Variants in SKI observed in about 807,000 individuals in gnomAD.
The protein encoded by SKI is SKI proto-oncogene, also known as ski oncogene.
SKI carries 23 observed loss-of-function variants against 59.3 expected under a neutral mutation model. The ratio of observed to expected loss-of-function variants is 0.39; its 90% CI spans 0.28 to 0.55. The LOEUF is 0.55. Ranked by LOEUF, SKI falls within the 20% of genes least tolerant of loss-of-function variation. The probability of loss-of-function intolerance (pLI) is 0.67; values close to 1 mark genes in which losing one functional copy is unlikely to be tolerated. For synonymous variants in SKI, 673 were observed against 488.6 expected, an observed-to-expected ratio of 1.38 and a Z score of -4.98; for missense variants, 1,017 against 1,038.9, an observed-to-expected ratio of 0.98 and a Z score of 0.29.
At chr1:2,301,927 T>C (rs1363872219) in intron 1 of SKI, among the ~76,000 whole-genome samples, 2 of 152,228 alleles carry the variant, frequency 1.3e-5, no homozygotes, top group Non-Finnish European at 2.9e-5. Flanking sequence ...TGTGCTGTCC[T>C]GTGGGGTCTT....
At chr1:2,247,773 T>C (rs189110717) in intron 1 of SKI, among the ~76,000 whole-genome samples, 1 of 152,310 alleles carries the variant, frequency 6.6e-6, no homozygotes, top group Non-Finnish European at 1.5e-5. Flanking sequence ...GCCCCACAGG[T>C]GCCCTTGGGG....
intron 1 of SKI, among the ~76,000 whole-genome samples, chr1:2,255,898 T>C (rs1241430216): frequency 3.3e-5 from 5 of 151,908 alleles, no homozygotes; most frequent in African/African-American, 9.7e-5. Flanking sequence ...TGTCCTGACC[T>C]CATTTCCTGT....
chr1:2,256,465 T>C (rs1639277229), intron 1 of SKI, among the ~76,000 whole-genome samples: 1 of 152,236 alleles, frequency 6.6e-6, no homozygotes, highest in Non-Finnish European at 1.5e-5. Flanking sequence ...CCCTCTGTGG[T>C]CCAGAGGCCG....
At chr1:2,245,117 C>T (rs1171582118) in intron 1 of SKI, among the ~76,000 whole-genome samples, 1 of 152,150 alleles carries the variant, frequency 6.6e-6, no homozygotes, top group Non-Finnish European at 1.5e-5. Flanking sequence ...CCCCCAACAC[C>T]CACCCGCCGC....
Position 2,303,586 on chromosome 1 carries a change from C to T in SKI, c.1211+186C>T, listed in dbSNP as rs1640482014. 3 of 685,484 alleles carry T rather than the reference C, an allele frequency of 4.4e-6. No individual in the cohort carries two copies. The highest frequency in any genetic ancestry group is 4.1e-4 in the Middle Eastern group (1 of 2,444). The allele number at this position is 685,484 out of a possible 1,614,324, so 42.5% of individuals were successfully genotyped here. ...GCACACCTAGAGCGTTCCCTGTGTT[C>T]TGGGTGGAGTCGTGGGTGGAGCCCT... On this transcript the variant is annotated intron_variant, in intron 3 of 6. Transcript: ENST00000378536. The surrounding 1 kb of genome is among the most constrained non-coding windows in gnomAD (Gnocchi z 5.6).
chr1:2,237,413 G>C (rs1638773943), intron 1 of SKI, among the ~76,000 whole-genome samples: 1 of 152,180 alleles, frequency 6.6e-6, no homozygotes, highest in African/African-American at 2.4e-5. Context: ...TCTTCTACAG[G>C]GGAAACCATG....
intron 1 of SKI, among the ~76,000 whole-genome samples, chr1:2,265,087 C>T (rs1219631103): frequency 4.6e-5 from 7 of 152,228 alleles, no homozygotes; most frequent in Non-Finnish European, 8.8e-5. Flanking sequence ...GCTGGGATTA[C>T]AGGAGTGAGC....
intron 1 of SKI, among the ~76,000 whole-genome samples, chr1:2,301,155 C>T (rs1309778340): frequency 2.6e-5 from 4 of 152,206 alleles, no homozygotes; most frequent in Non-Finnish European, 4.4e-5. Context: ...TTCTGTGCCT[C>T]TCGGGAGGGT....
intron 1 of SKI, chr1:2,240,913 T>C (rs1034214183): frequency 8.8e-6 from 5 of 570,290 alleles, no homozygotes; most frequent in Non-Finnish European, 1.1e-5. Flanking sequence ...CCTCCTCAGC[T>C]GTGTTCAGCC....
At position 2,307,764 on chromosome 1, in the gene SKI, TTC is replaced by T. The variant is rs1334651445; in HGVS notation, c.*1001_*1002del. 6.6e-6 allele frequency: 1 copy of T among 152,626 alleles called. No homozygotes were observed. The highest frequency in any genetic ancestry group is 1.9e-4 in the East Asian group (1 of 5,202). 9.5% of individuals were successfully genotyped at this position (152,626 alleles called of 1,614,324 possible). A position where few individuals can be genotyped will look rare whatever the true frequency, so the allele number is the denominator to read the frequency against. ...CTTTGTCCACAACCTTCCCTTCTCTTTCTATTCCCCAGTGAACTGAGGTTTTT... is the reference window on the plus strand; with the variant it reads ...CTTTGTCCACAACCTTCCCTTCTCTTTATTCCCCAGTGAACTGAGGTTTTT... On this transcript the variant is annotated 3_prime_UTR_variant, in exon 7 of 7. Coordinates refer to ENST00000378536, the MANE Select transcript of SKI (RefSeq NM_003036.4).
intron 1 of SKI, among the ~76,000 whole-genome samples, chr1:2,276,392 C>T (rs1569789710): frequency 6.6e-6 from 1 of 152,190 alleles, no homozygotes; most frequent in Non-Finnish European, 1.5e-5. Context: ...GGCCTGGACC[C>T]TCCAGGGAGT....
intron 5 of SKI, 56 bp from the exon 6 acceptor site, chr1:2,305,964 T>G (rs942015178): frequency 1.7e-5 from 23 of 1,316,586 alleles, no homozygotes; most frequent in Non-Finnish European, 2.4e-5. Context: ...CTGGTCATGG[T>G]GAGGGGTGTG....
chr1:2,231,037 C>T (rs934111300), intron 1 of SKI, among the ~76,000 whole-genome samples: 1 of 152,166 alleles, frequency 6.6e-6, no homozygotes, highest in Non-Finnish European at 1.5e-5. Context: ...TGGCAGCCGC[C>T]TGCAGACCTG....
chr1:2,250,321 G>A (rs1364235312), intron 1 of SKI, among the ~76,000 whole-genome samples: 3 of 152,216 alleles, frequency 2.0e-5, no homozygotes, highest in Non-Finnish European at 4.4e-5. Flanking sequence ...CTCTCTGGCC[G>A]TCCCAGAACC....
rs973734662 is a variant in SKI, at chr1:2,306,235, C to G, written c.1983C>G (p.Ala661=). The G allele has an allele frequency of 6.4e-7, 1 of 1,556,408 alleles. No individual in the cohort carries two copies. The highest frequency in any genetic ancestry group is 1.2e-5 in the South Asian group (1 of 84,672). Residue 661 remains alanine (A), a synonymous_variant, in exon 6 of 7, where the codon GCC becomes GCG. Coordinates refer to ENST00000378536, the MANE Select transcript of SKI (RefSeq NM_003036.4). The part of the protein sequence containing the change: ...DKGCEAGRLR[A]KYSAQIEDLQ... ...GCTGCGAGGCGGGCCGCCTGCGCGC[C>G]AAGTACTCGGCCCAGGTATGCGGGT...
chr1:2,280,582 C>T (rs966939246), intron 1 of SKI, among the ~76,000 whole-genome samples: 18 of 148,484 alleles, frequency 1.2e-4, no homozygotes, highest in Admixed American at 2.0e-4. Flanking sequence ...AGAAGACAGG[C>T]GGCGGCGGCG....
At position 2,304,321 on chromosome 1, in the gene SKI, C is replaced by G; in HGVS notation, c.1503C>G (p.Ser501=). The part of the protein sequence containing the change: ...EFTSSLSSLS[S]PSFTSSSSAK... ...CCTCCTCCTTGTCCTCGCTCTCTTC[C>G]CCGTCCTTTACCTCATCCAGCTCCG... The change falls in exon 5 of 7, where the codon TCC becomes TCG. Residue 501 remains serine (S), a synonymous_variant. Transcript: ENST00000378536. 1 of 1,551,708 alleles carries G rather than the reference C, an allele frequency of 6.4e-7. No homozygotes were observed. The highest frequency in any genetic ancestry group is 1.2e-5 in the South Asian group (1 of 84,074).
chr1:2,238,816 T>C (rs1638805137), intron 1 of SKI, among the ~76,000 whole-genome samples: 1 of 152,212 alleles, frequency 6.6e-6, no homozygotes, highest in Admixed American at 6.5e-5. Context: ...CAGGCCACAC[T>C]GGGGAGGGAG....
intron 1 of SKI, among the ~76,000 whole-genome samples, chr1:2,275,939 G>A (rs1200598147): frequency 6.6e-6 from 1 of 151,826 alleles, no homozygotes; most frequent in East Asian, 1.9e-4. Flanking sequence ...CTCCCTGCCC[G>A]GGCAGGAATT....
Sources: allele counts gnomAD v4.1 joint callset (sites outside exome capture counted in the v4.1 genomes callset), GRCh38; gene constraint gnomAD v4.1.1; non-coding constraint Gnocchi (gnomAD v3.1); transcripts MANE v1.5; gene names NCBI Gene and HGNC (gene_info 2026-07-23, HGNC 2026-07-21).